SHTN1: variants seen among roughly 807,000 people sequenced by gnomAD.
The protein encoded by SHTN1 is shootin-1.
In SHTN1, 42 loss-of-function variants were observed where a neutral mutation model predicts 83.1. The observed-to-expected ratio is 0.51, with a 90% CI of 0.39 to 0.65. The LOEUF (loss-of-function observed/expected upper bound fraction) is 0.65. Ranked by LOEUF, SHTN1 falls within the 30% of genes least tolerant of loss-of-function variation. The pLI, the probability that SHTN1 is intolerant of heterozygous loss-of-function variation, is 0.00. For missense variants in SHTN1, 622 were observed against 737.8 expected (o/e 0.84, Z 1.82); for synonymous variants, 224 against 247.7 (o/e 0.90, Z 0.90).
chr10:117,110,930 C>T (rs1380554752), intron 1 of SHTN1, among the ~76,000 whole-genome samples: 4 of 152,162 alleles, frequency 2.6e-5, no homozygotes, highest in Admixed American at 2.6e-4. Flanking sequence ...GGTGTAATGG[C>T]TCATGCCTGT....
intron 1 of SHTN1, among the ~76,000 whole-genome samples, chr10:117,054,492 G>A (rs1292996820): frequency 4.2e-5 from 6 of 142,940 alleles, no homozygotes; most frequent in Non-Finnish European, 9.1e-5. Context: ...TGCAAGTTCT[G>A]CCTCCTGGGT....
intron 1 of SHTN1, among the ~76,000 whole-genome samples, chr10:117,061,321 C>T (rs10444104): frequency 0.66 from 98,846 of 150,702 alleles, 36,011 homozygotes; most frequent in Middle Eastern, 0.84. Context: ...CTCAGCCTCC[C>T]GAGTAGCTGG....
intron 2 of SHTN1, among the ~76,000 whole-genome samples, chr10:117,046,740 A>G (rs767467814): frequency 8.5e-5 from 13 of 152,170 alleles, no homozygotes; most frequent in Non-Finnish European, 1.8e-4. Context: ...ATGTTATGCT[A>G]AGAGAAAGAA....
chr10:117,081,713 T>G (rs369543379), intron 1 of SHTN1, among the ~76,000 whole-genome samples: 2 of 148,322 alleles, frequency 1.3e-5, no homozygotes, highest in African/African-American at 5.0e-5. Context: ...CAATTTCAGA[T>G]CCTGTTATTG....
At chr10:116,996,614 T>C (rs925600841) in intron 1 of SHTN1, among the ~76,000 whole-genome samples, 1 of 152,218 alleles carries the variant, frequency 6.6e-6, no homozygotes. Flanking sequence ...TATAGACTGC[T>C]CTAAACATTA....
At chr10:116,911,482 C>T (rs906370998) in intron 14 of SHTN1, 1 of 1,550,334 alleles carries the variant, frequency 6.5e-7, no homozygotes, top group East Asian at 2.4e-5. Flanking sequence ...CATGTACGGA[C>T]CCTTACATAT....
chr10:116,903,914 G>A (rs1031331830), intron 15 of SHTN1, among the ~76,000 whole-genome samples: 2 of 152,216 alleles, frequency 1.3e-5, no homozygotes, highest in Non-Finnish European at 2.9e-5. Context: ...GCCACCCAGT[G>A]TTCTCCAAGA....
intron 1 of SHTN1, among the ~76,000 whole-genome samples, chr10:117,077,483 CTTTT>C (rs112825619): frequency 0.022 from 3,294 of 151,374 alleles, 102 homozygotes; most frequent in African/African-American, 0.072. Flanking sequence ...GGAGGAGAAT[CTTTT>C]TTTTTATTAT....
At chr10:117,059,787 G>A (rs1036651824) in intron 1 of SHTN1, among the ~76,000 whole-genome samples, 4 of 152,150 alleles carry the variant, frequency 2.6e-5, no homozygotes, top group Admixed American at 6.5e-5. Context: ...CAATATCCTC[G>A]TTGATATTGT....
chr10:117,055,339 G>C (rs889339230), intron 1 of SHTN1, among the ~76,000 whole-genome samples: 2 of 152,158 alleles, frequency 1.3e-5, no homozygotes, highest in Admixed American at 1.3e-4. Context: ...TCTTGGGTTT[G>C]TGTTTTTCCT....
chr10:117,092,653 A>T (rs1271529384), intron 1 of SHTN1, among the ~76,000 whole-genome samples: 1 of 152,200 alleles, frequency 6.6e-6, no homozygotes, highest in Non-Finnish European at 1.5e-5. Flanking sequence ...GGTCACTGAG[A>T]GAAAAGCTGC....
At chr10:116,904,025 G>A (rs991874250) in intron 15 of SHTN1, among the ~76,000 whole-genome samples, 27 of 152,264 alleles carry the variant, frequency 1.8e-4, no homozygotes, top group African/African-American at 6.5e-4. Context: ...AAGGAAAAGG[G>A]TACAACATCC....
chr10:117,113,994 C>T (rs1468325474), intron 1 of SHTN1, among the ~76,000 whole-genome samples: 1 of 152,158 alleles, frequency 6.6e-6, no homozygotes, highest in East Asian at 1.9e-4. Context: ...TTGCAGTGAG[C>T]TGAGATTGCA....
At chr10:116,969,260 G>C (rs1850512805) in intron 2 of SHTN1, among the ~76,000 whole-genome samples, 1 of 152,058 alleles carries the variant, frequency 6.6e-6, no homozygotes, top group African/African-American at 2.4e-5. Flanking sequence ...GGCCAACATG[G>C]TGAAACACCA....
chr10:117,070,295 T>C (rs1241978919), intron 1 of SHTN1, among the ~76,000 whole-genome samples: 1 of 152,134 alleles, frequency 6.6e-6, no homozygotes, highest in Non-Finnish European at 1.5e-5. Context: ...GTTTAAATCA[T>C]AGTTTATCGC....
At chr10:116,924,612 G>C (rs1461242192) in intron 11 of SHTN1, among the ~76,000 whole-genome samples, 1 of 152,022 alleles carries the variant, frequency 6.6e-6, no homozygotes, top group South Asian at 2.1e-4. Context: ...GAGGAGATTA[G>C]GTCAAGACCT....
intron 16 of SHTN1, chr10:116,901,321 A>G (rs935687211): frequency 1.0e-6 from 1 of 985,268 alleles, no homozygotes; most frequent in Non-Finnish European, 1.2e-6. Context: ...GGATAGAGCA[A>G]TATTAGGCAC....
intron 2 of SHTN1, among the ~76,000 whole-genome samples, chr10:117,034,786 T>A (rs1852472179): frequency 6.6e-6 from 1 of 151,910 alleles, no homozygotes. Context: ...AAGTGAAAGA[T>A]CTCTATAATA....
chr10:116,990,069 G>C (rs1851364160), intron 1 of SHTN1, among the ~76,000 whole-genome samples: 1 of 152,052 alleles, frequency 6.6e-6, no homozygotes, highest in Non-Finnish European at 1.5e-5. Context: ...TCTACCTGTA[G>C]AGCCTGGTCA....
Sources: gnomAD v4.1 joint callset for allele counts (sites outside exome capture counted in the v4.1 genomes callset) on GRCh38, gnomAD v4.1.1 for gene constraint, MANE v1.5 for transcripts, NCBI Gene and HGNC (gene_info 2026-07-23, HGNC 2026-07-21) for gene names.